The following CDC42BPB variants were observed in gnomAD, a reference collection of about 807,000 sequenced individuals.
The protein encoded by CDC42BPB is serine/threonine-protein kinase MRCK beta.
CDC42BPB carries 37 observed loss-of-function variants against 214.9 expected under a neutral mutation model. That is an observed-to-expected ratio of 0.17 (90% CI 0.13 to 0.23). The LOEUF (loss-of-function observed/expected upper bound fraction) is 0.23, where lower values mean the gene tolerates loss of function less well. Among genes scored for constraint, CDC42BPB ranks in the 10% least tolerant of loss-of-function variants. CDC42BPB has a pLI of 1.00. For missense variants in CDC42BPB, 1,694 were observed against 2,227.0 expected, an observed-to-expected ratio of 0.76 and a Z score of 4.82; for synonymous variants, 931 against 884.0, an observed-to-expected ratio of 1.05 and a Z score of -0.94.
chr14:103,048,422 C>T (rs1375868615), intron 1 of CDC42BPB, among the ~76,000 whole-genome samples: 3 of 150,406 alleles, frequency 2.0e-5, no homozygotes, highest in African/African-American at 7.3e-5. Flanking sequence ...GGCGCGGTAG[C>T]TCACGCCTAT....
Position 103,006,447 on chromosome 14 carries a change from G to A in CDC42BPB, c.351+2025C>T, listed in dbSNP as rs147642158. On this transcript the variant is annotated intron_variant, in intron 3 of 36. Coordinates refer to ENST00000361246, the MANE Select transcript of CDC42BPB (RefSeq NM_006035.4). Reference sequence around the variant, plus strand: ...TCTTAAACTGGGGACTGCCTGCAAGGTGACCTGCTGACAGGAAACTTATGT... The same window carrying A: ...TCTTAAACTGGGGACTGCCTGCAAGATGACCTGCTGACAGGAAACTTATGT... 2.1e-3 allele frequency among the ~76,000 whole-genome samples: 323 copies of A among 152,340 alleles called. 8 individuals are homozygous for A. The East Asian group carries it at 0.056, about 27-fold the overall frequency.
chr14:103,020,407 C>A (rs1477769945), intron 1 of CDC42BPB, among the ~76,000 whole-genome samples: 1 of 152,152 alleles, frequency 6.6e-6, no homozygotes, highest in East Asian at 1.9e-4. Context: ...ATGGCAGGAC[C>A]CACACCTGCC....
At position 103,038,012 on chromosome 14, in the gene CDC42BPB, G is replaced by A. The variant is rs1281677447; in HGVS notation, c.175+18987C>T. The stretch of plus-strand genomic sequence containing the variant: ...CCACTGCCCTCCAGCCTGGGCAACA[G>A]AGCAAGACTCCGTCTCAAAAAAAAA... On this transcript the variant is annotated intron_variant, in intron 1 of 36. Coordinates refer to ENST00000361246, the MANE Select transcript of CDC42BPB (RefSeq NM_006035.4). Among the ~76,000 whole-genome samples the A allele has an allele frequency of 2.0e-5, 3 of 147,938 alleles. No homozygotes were observed. In the East Asian group the frequency reaches 6.0e-4, roughly 29 times the overall value.
intron 6 of CDC42BPB, chr14:102,983,962 G>A (rs34051256): frequency 7.7e-6 from 7 of 905,070 alleles, no homozygotes; most frequent in South Asian, 5.1e-5. Flanking sequence ...GGCTGAGGCC[G>A]GAGAACCGCT....
chr14:102,938,633 T>C (rs1156840731), intron 34 of CDC42BPB: 1 of 835,812 alleles, frequency 1.2e-6, no homozygotes, highest in Non-Finnish European at 1.4e-6. Flanking sequence ...CGTACTTTTT[T>C]TGTTTGTTTG....
Position 103,004,847 on chromosome 14 carries a change from C to T in CDC42BPB, c.352-824G>A, listed in dbSNP as rs981743246. 1.3e-5 allele frequency among the ~76,000 whole-genome samples: 2 copies of T among 150,752 alleles called. No individual in the cohort carries two copies. Among genetic ancestry groups the T allele is most frequent in the East Asian group, 1.9e-4 (1 of 5,144 alleles). On this transcript the variant is annotated intron_variant, in intron 3 of 36. Transcript: ENST00000361246. The surrounding 1 kb of genome is among the most constrained non-coding windows in gnomAD (Gnocchi z 5.3). The stretch of plus-strand genomic sequence containing the variant: ...TTGCATCACCGTACTCCAGCCTGGA[C>T]GACAGAGCCAGACTCCATCTCAAAA...
At chr14:102,960,190 G>A (rs1195380637) in intron 20 of CDC42BPB, among the ~76,000 whole-genome samples, 1 of 152,110 alleles carries the variant, frequency 6.6e-6, no homozygotes, top group African/African-American at 2.4e-5. Context: ...GGGCGACAGA[G>A]CAAGACTCTA....
chr14:103,009,587 G>A (rs1448734810), intron 2 of CDC42BPB, among the ~76,000 whole-genome samples: 4 of 152,020 alleles, frequency 2.6e-5, no homozygotes, highest in African/African-American at 9.7e-5. Flanking sequence ...TAAGTTTTTG[G>A]CAAAAAAGAG....
At chr14:103,020,504 C>T (rs900310299) in intron 1 of CDC42BPB, among the ~76,000 whole-genome samples, 1 of 152,224 alleles carries the variant, frequency 6.6e-6, no homozygotes, top group African/African-American at 2.4e-5. Flanking sequence ...TACGCGGAGG[C>T]CGAGGGCCAG....
intron 4 of CDC42BPB, among the ~76,000 whole-genome samples, chr14:103,002,621 T>C (rs1479812913): frequency 6.6e-6 from 1 of 151,458 alleles, no homozygotes. Context: ...GCGGGGGGGT[T>C]TATGTGGAGG....
chr14:103,012,497 T>C (rs998316949), intron 1 of CDC42BPB: 3 of 153,794 alleles, frequency 2.0e-5, no homozygotes, highest in Non-Finnish European at 4.3e-5. Flanking sequence ...TTACCAAATC[T>C]TTCCTATGTT....
intron 7 of CDC42BPB, among the ~76,000 whole-genome samples, chr14:102,981,835 A>T (rs149925910): frequency 6.6e-6 from 1 of 152,230 alleles, no homozygotes; most frequent in Middle Eastern, 3.2e-3. Context: ...TGCTATAGAA[A>T]GACACCACAG....
At chr14:102,947,900 C>G (rs1057137735) in intron 26 of CDC42BPB, 98 bp from the exon 27 acceptor site, 1 of 1,591,338 alleles carries the variant, frequency 6.3e-7, no homozygotes, top group Non-Finnish European at 8.5e-7. Flanking sequence ...TGTCCTTCCA[C>G]CACCGTGTTC....
chr14:102,950,150 C>T (rs1892419822), intron 25 of CDC42BPB: 2 of 960,042 alleles, frequency 2.1e-6, no homozygotes, highest in South Asian at 4.8e-5. Flanking sequence ...TGCTGTGGTA[C>T]ACGCAGCCCG....
intron 13 of CDC42BPB, among the ~76,000 whole-genome samples, chr14:102,970,844 AAAAC>A (rs1388650172): frequency 1.3e-5 from 2 of 152,242 alleles, no homozygotes; most frequent in Non-Finnish European, 2.9e-5. Flanking sequence ...GACTAAGAAG[AAAAC>A]AAACAGGTCC....
intron 1 of CDC42BPB, among the ~76,000 whole-genome samples, chr14:103,017,981 T>C (rs1360730532): frequency 6.6e-6 from 1 of 152,250 alleles, no homozygotes. Flanking sequence ...GGGGCCACTT[T>C]CATGGAAGAC....
At chr14:102,966,930 C>T (rs906194671) in intron 17 of CDC42BPB, 116 bp downstream of exon 17, 3 of 1,268,030 alleles carry the variant, frequency 2.4e-6, no homozygotes, top group Non-Finnish European at 3.3e-6. Context: ...GACCTGCACC[C>T]CAGCCTGAGA....
At chr14:102,946,933 G>A in intron 27 of CDC42BPB, 2 of 848,370 alleles carry the variant, frequency 2.4e-6, no homozygotes, top group Non-Finnish European at 2.8e-6. Flanking sequence ...TTCTGCTTTT[G>A]TCAAAACTAC....
intron 1 of CDC42BPB, among the ~76,000 whole-genome samples, chr14:103,030,616 G>A (rs895627539): frequency 6.6e-6 from 1 of 152,006 alleles, no homozygotes; most frequent in African/African-American, 2.4e-5. Flanking sequence ...GGATCACTTC[G>A]ACCTGGGAGG....
Sources: gnomAD v4.1 joint callset for allele counts (sites outside exome capture counted in the v4.1 genomes callset) on GRCh38, gnomAD v4.1.1 for gene constraint, Gnocchi (gnomAD v3.1) non-coding constraint, MANE v1.5 for transcripts, NCBI Gene and HGNC (gene_info 2026-07-23, HGNC 2026-07-21) for gene names.